Variants in DHX15 observed in about 807,000 individuals in gnomAD.
DHX15 encodes DEAH-box helicase 15, also known as ATP-dependent RNA helicase DHX15.
Under a neutral mutation model 94.4 loss-of-function variants are expected in DHX15, and 11 were observed. The ratio of observed to expected loss-of-function variants is 0.12; its 90% confidence interval spans 0.07 to 0.19. DHX15 has a LOEUF of 0.19. DHX15 is among the 10% of genes least tolerant of loss of function. The pLI is 1.00. For synonymous variants in DHX15, 338 were observed against 329.9 expected (o/e 1.02, Z -0.27); for missense variants, 304 against 988.5 (o/e 0.31, Z 9.29).
chr4:24,560,110 A>G (rs1330830050), intron 3 of DHX15, among the ~76,000 whole-genome samples: 1 of 152,140 alleles, frequency 6.6e-6, no homozygotes, highest in African/African-American at 2.4e-5. Context: ...CCAACTGCCA[A>G]CTATGATCTC....
chr4:24,529,592 T>A lies in DHX15; in HGVS notation c.2270+9A>T. On this transcript the variant is annotated intron_variant, in intron 13 of 13. Transcript: ENST00000336812. Reference sequence around the variant, plus strand: ...AACAAAAAACTGTTAGAACAAAAGGTGTACTTACCATTCTGGCTTGATATC... The same window carrying A: ...AACAAAAAACTGTTAGAACAAAAGGAGTACTTACCATTCTGGCTTGATATC... 6.2e-7 allele frequency: 1 copy of A among 1,613,230 alleles called. No individual in the cohort carries two copies.
intron 12 of DHX15, chr4:24,530,694 A>C (rs901632648): frequency 2.0e-5 from 3 of 151,688 alleles, no homozygotes; most frequent in African/African-American, 7.3e-5. Context: ...AAAAAAAAAG[A>C]GCTTGCACGT....
intron 2 of DHX15, among the ~76,000 whole-genome samples, chr4:24,574,144 T>C (rs1359379207): frequency 1.5e-5 from 2 of 135,140 alleles, no homozygotes; most frequent in Non-Finnish European, 3.1e-5. Flanking sequence ...AGGAGGAGGT[T>C]GCAGAAAGCC....
intron 6 of DHX15, among the ~76,000 whole-genome samples, chr4:24,544,598 C>A (rs544024605): frequency 1.3e-5 from 2 of 152,022 alleles, no homozygotes; most frequent in Non-Finnish European, 2.9e-5. Context: ...TAAGCATAAC[C>A]GGCATTTAAT....
At chr4:24,557,132 C>G (rs969639508) in intron 3 of DHX15, among the ~76,000 whole-genome samples, 1 of 152,078 alleles carries the variant, frequency 6.6e-6, no homozygotes, top group African/African-American at 2.4e-5. Flanking sequence ...CTCCAGTTAT[C>G]ACAAGACAGG....
chr4:24,562,754 C>A (rs563172925), intron 3 of DHX15, among the ~76,000 whole-genome samples: 1 of 152,254 alleles, frequency 6.6e-6, no homozygotes, highest in Non-Finnish European at 1.5e-5. Flanking sequence ...AAATGATAAA[C>A]CCCAAGCATA....
chr4:24,532,996 G>A lies in DHX15; in HGVS notation c.1968C>T (p.Ser656=), dbSNP rs754407162. ...ATAGCTGCTGGCGTACATTGTCTGCGGACATCAGGGACCTGTAGTTAATGA... is the reference window on the plus strand; with the variant it reads ...ATAGCTGCTGGCGTACATTGTCTGCAGACATCAGGGACCTGTAGTTAATGA... ...DNFINYRSLM[S]ADNVRQQLSR... The change falls in exon 12 of 14, where the codon TCC becomes TCT. Residue 656 remains serine, a synonymous_variant. Transcript: ENST00000336812. The A allele has an allele frequency of 7.4e-6, 12 of 1,613,952 alleles. No homozygotes were observed. The East Asian group carries it at 1.1e-4, about 15-fold the overall frequency.
intron 3 of DHX15, chr4:24,563,085 A>G (rs1577345480): frequency 6.6e-6 from 1 of 151,722 alleles, no homozygotes; most frequent in South Asian, 2.1e-4. Flanking sequence ...GTCCAGGTAT[A>G]ATTTTTCTAT....
chr4:24,581,714 T>C (rs538857349), intron 1 of DHX15, among the ~76,000 whole-genome samples: 2 of 151,230 alleles, frequency 1.3e-5, no homozygotes, highest in Admixed American at 6.6e-5. Context: ...GGTGGTAATA[T>C]CAAAAACCAA....
chr4:24,541,831 A>C, intron 8 of DHX15, 42 bp downstream of exon 8: 1 of 1,492,318 alleles, frequency 6.7e-7, no homozygotes, highest in Non-Finnish European at 9.0e-7. Context: ...AATTCAACCT[A>C]ACATTTTAAA....
In DHX15 at chr4:24,540,135, C is replaced by T. The variant is rs1226605814; in HGVS notation, c.1759G>A (p.Val587Ile). 6.2e-7 allele frequency: 1 copy of T among 1,607,706 alleles called. No individual in the cohort carries two copies. Among genetic ancestry groups the T allele is most frequent in the Non-Finnish European group, 8.5e-7 (1 of 1,176,678 alleles). ...GACAACATAGCAGTAATAGATAGGA[C>T]CTCATTAGAACAGTTGTAGTCACAA... ...ASCDYNCSNE[V>I]LSITAMLSVP... Residue 587 changes from valine to isoleucine, a missense_variant, in exon 10 of 14, where the codon GTC becomes ATC. Transcript: ENST00000336812.
chr4:24,563,243 C>G (rs983349702), intron 3 of DHX15: 1 of 152,118 alleles, frequency 6.6e-6, no homozygotes, highest in Non-Finnish European at 1.5e-5. Flanking sequence ...TGGCTACTCA[C>G]AGATACAATC....
At chr4:24,568,106 T>A (rs558152866) in intron 3 of DHX15, among the ~76,000 whole-genome samples, 114 of 152,224 alleles carry the variant, frequency 7.5e-4, no homozygotes, top group Non-Finnish European at 1.5e-3. Flanking sequence ...GATACTTTAT[T>A]TAGCTAAAAT....
chr4:24,530,643 A>C (rs1455617671), intron 12 of DHX15: 1 of 151,812 alleles, frequency 6.6e-6, no homozygotes, highest in Non-Finnish European at 1.5e-5. Context: ...AAAGAGGAAA[A>C]GAAAAAGGTA....
intron 1 of DHX15, among the ~76,000 whole-genome samples, chr4:24,581,695 C>G (rs1184927785): frequency 6.6e-6 from 1 of 152,132 alleles, no homozygotes; most frequent in East Asian, 1.9e-4. Context: ...ACAGAAAAAA[C>G]TCTTATCAGG....
intron 8 of DHX15, among the ~76,000 whole-genome samples, chr4:24,541,164 G>C (rs748505614): frequency 6.6e-6 from 1 of 152,018 alleles, no homozygotes; most frequent in Admixed American, 6.6e-5. Flanking sequence ...CATAAAACTC[G>C]CAACTGCAGA....
At chr4:24,547,927 A>ATATATCTC (rs1721476885) in intron 6 of DHX15, among the ~76,000 whole-genome samples, 7 of 102,960 alleles carry the variant, frequency 6.8e-5, no homozygotes, top group Non-Finnish European at 1.2e-4. Flanking sequence ...ATATATATAT[A>ATATATCTC]TATATATATA....
At chr4:24,582,269 A>G (rs1020089168) in intron 1 of DHX15, among the ~76,000 whole-genome samples, 6 of 152,250 alleles carry the variant, frequency 3.9e-5, no homozygotes, top group Admixed American at 1.3e-4. Context: ...CATTATTCCA[A>G]AGATGAACTC....
chr4:24,558,772 G>A lies in DHX15; in HGVS notation c.702-2362C>T, dbSNP rs139656746. Among the ~76,000 whole-genome samples the A allele has an allele frequency of 1.0e-3, 159 of 152,058 alleles. 1 individual carries two copies. The highest frequency in any genetic ancestry group is 3.6e-3 in the African/African-American group (151 of 41,498). ...ATTTCAAAATTTCAAAGGTCTCAAG[G>A]ATATAGTCAAATTTACTTCTTTTCC... On this transcript the variant is annotated intron_variant, in intron 3 of 13. Coordinates refer to ENST00000336812, the MANE Select transcript of DHX15 (RefSeq NM_001358.3).
Sources: gnomAD v4.1 joint callset for allele counts (sites outside exome capture counted in the v4.1 genomes callset) on GRCh38, gnomAD v4.1.1 for gene constraint, MANE v1.5 for transcripts, NCBI Gene and HGNC (gene_info 2026-07-23, HGNC 2026-07-21) for gene names.